TRAPPC9: variants seen among roughly 807,000 people sequenced by gnomAD.
TRAPPC9 encodes the protein IKK2 binding protein.
Under a neutral mutation model 124.0 loss-of-function variants are expected in TRAPPC9, and 83 were observed. That is an observed-to-expected ratio of 0.67 (90% CI 0.56 to 0.80). The LOEUF is 0.80. Ranked by LOEUF, TRAPPC9 falls within the 30% of genes least tolerant of loss-of-function variation. TRAPPC9 has a pLI of 0.00. For synonymous variants in TRAPPC9, 638 were observed against 617.5 expected, an observed-to-expected ratio of 1.03 and a Z score of -0.49; for missense variants, 1,302 against 1,508.3, an observed-to-expected ratio of 0.86 and a Z score of 2.27.
intron 10 of TRAPPC9, among the ~76,000 whole-genome samples, chr8:140,310,003 C>A (rs1021162953): frequency 5.3e-5 from 8 of 152,198 alleles, no homozygotes; most frequent in Admixed American, 4.6e-4. Context: ...GGCTGCAATG[C>A]ACAGCGACCC....
rs561286388 is a variant in TRAPPC9 at position 140,352,105 on chromosome 8, A to C, written c.1495+7945T>G. ...CTATTTTGGTCATTTCAAATAATTG[A>C]GATCATAAAACATGTGTGTGGAATT... On this transcript the variant is annotated intron_variant, in intron 9 of 22. Transcript: ENST00000438773. 5.3e-5 allele frequency among the ~76,000 whole-genome samples: 8 copies of C among 152,206 alleles called. No individual in the cohort carries two copies. The South Asian group carries it at 1.5e-3, about 28-fold the overall frequency.
At chr8:140,001,801 C>T (rs543111843) in intron 18 of TRAPPC9, among the ~76,000 whole-genome samples, 1 of 152,340 alleles carries the variant, frequency 6.6e-6, no homozygotes, top group African/African-American at 2.4e-5. Flanking sequence ...GGTACTACCA[C>T]TCTGGAAAAC....
At chr8:140,272,548 T>C (rs529304349) in intron 15 of TRAPPC9, among the ~76,000 whole-genome samples, 1 of 151,180 alleles carries the variant, frequency 6.6e-6, no homozygotes, top group African/African-American at 2.5e-5. Flanking sequence ...ATTAATTCAC[T>C]TTGCATTGCT....
chr8:139,821,824 G>T (rs1399198368), intron 21 of TRAPPC9, among the ~76,000 whole-genome samples: 2 of 152,330 alleles, frequency 1.3e-5, no homozygotes, highest in East Asian at 3.9e-4. Flanking sequence ...ACAGATTCGT[G>T]TGCCATAATA....
chr8:140,180,520 T>C (rs2062176526), intron 17 of TRAPPC9, among the ~76,000 whole-genome samples: 1 of 152,166 alleles, frequency 6.6e-6, no homozygotes, highest in South Asian at 2.1e-4. Flanking sequence ...CCATTTCTAA[T>C]ACATTTCAAG....
chr8:140,334,747 G>A (rs2066991182), intron 9 of TRAPPC9, among the ~76,000 whole-genome samples: 1 of 152,074 alleles, frequency 6.6e-6, no homozygotes, highest in Admixed American at 6.6e-5. Context: ...AAGATAAAAG[G>A]TGAACAGACA....
At chr8:140,398,843 C>A (rs1422038331) in intron 6 of TRAPPC9, among the ~76,000 whole-genome samples, 1 of 152,224 alleles carries the variant, frequency 6.6e-6, no homozygotes, top group African/African-American at 2.4e-5. Context: ...ATCCCCAAGA[C>A]AATGGGGAAA....
chr8:139,802,057 T>TA (rs1300404491), intron 21 of TRAPPC9, among the ~76,000 whole-genome samples: 1 of 152,232 alleles, frequency 6.6e-6, no homozygotes, highest in Non-Finnish European at 1.5e-5. Context: ...CTTGATTTTC[T>TA]AGCTCTGGGC....
chr8:140,277,156 T>C (rs948822124), intron 14 of TRAPPC9, among the ~76,000 whole-genome samples: 4 of 152,210 alleles, frequency 2.6e-5, no homozygotes, highest in Non-Finnish European at 5.9e-5. Context: ...GACTCAGACC[T>C]CTGCCACCCA....
At chr8:140,013,539 T>G (rs979577947) in intron 18 of TRAPPC9, among the ~76,000 whole-genome samples, 2 of 152,002 alleles carry the variant, frequency 1.3e-5, no homozygotes, top group Non-Finnish European at 2.9e-5. Flanking sequence ...AAACAAAGAG[T>G]CACAGAGTGG....
chr8:140,000,259 G>A, intron 18 of TRAPPC9, among the ~76,000 whole-genome samples: 1 of 152,170 alleles, frequency 6.6e-6, no homozygotes, highest in South Asian at 2.1e-4. Flanking sequence ...TTCAATGTAA[G>A]ACCTAACACC....
rs1311705888 is a variant in TRAPPC9 at position 140,230,098 on chromosome 8, GGCC to G, written c.2432-8518_2432-8516del. Among the ~76,000 whole-genome samples the G allele has an allele frequency of 9.2e-5, 14 of 152,242 alleles. No individual in the cohort carries two copies. In the East Asian group the frequency reaches 2.7e-3, roughly 29 times the overall value. On this transcript the variant is annotated intron_variant, in intron 16 of 22. Coordinates refer to ENST00000438773, the MANE Select transcript of TRAPPC9 (RefSeq NM_001160372.4). ...AATGTAAACATTCACACAGCAGCAA[GGCC>G]ATCTCACAACAGGCACAAGCACATA... is the stretch of plus-strand genomic sequence containing the variant.
At chr8:140,026,756 T>C (rs372074628) in intron 17 of TRAPPC9, among the ~76,000 whole-genome samples, 2 of 152,334 alleles carry the variant, frequency 1.3e-5, no homozygotes, top group South Asian at 2.1e-4. Context: ...CCTTCAATAT[T>C]TGTACTGCCA....
intron 16 of TRAPPC9, among the ~76,000 whole-genome samples, chr8:140,225,210 T>C (rs976131106): frequency 6.6e-6 from 1 of 152,228 alleles, no homozygotes; most frequent in Non-Finnish European, 1.5e-5. Context: ...TGAATTCTTG[T>C]CAGATTCACC....
At chr8:139,917,883 T>C (rs1474472396) in intron 19 of TRAPPC9, among the ~76,000 whole-genome samples, 2 of 152,188 alleles carry the variant, frequency 1.3e-5, no homozygotes, top group African/African-American at 4.8e-5. Context: ...TACTGCTCGT[T>C]GTTAACAAGC....
At chr8:140,086,484 T>C (rs565831157) in intron 17 of TRAPPC9, among the ~76,000 whole-genome samples, 2 of 152,102 alleles carry the variant, frequency 1.3e-5, no homozygotes, top group Non-Finnish European at 2.9e-5. Flanking sequence ...GGGCCACAGC[T>C]CCACCTGTGC....
intron 21 of TRAPPC9, among the ~76,000 whole-genome samples, chr8:139,744,169 T>C (rs10094608): frequency 0.11 from 17,277 of 152,290 alleles, 1,147 homozygotes; most frequent in African/African-American, 0.19. Context: ...CCAGACCTTC[T>C]GCATTTTATT....
At chr8:140,221,077 A>C (rs918861971) in intron 17 of TRAPPC9, among the ~76,000 whole-genome samples, 1 of 152,230 alleles carries the variant, frequency 6.6e-6, no homozygotes, top group African/African-American at 2.4e-5. Context: ...TGGTGCTTCC[A>C]AACCAACAAT....
intron 15 of TRAPPC9, among the ~76,000 whole-genome samples, chr8:140,273,151 A>C (rs28408920): frequency 0.15 from 23,368 of 152,188 alleles, 3,610 homozygotes; most frequent in African/African-American, 0.4. Flanking sequence ...CGGAGCCGGG[A>C]CACTCCTCTG....
Sources: gnomAD v4.1 joint callset for allele counts (sites outside exome capture counted in the v4.1 genomes callset) on GRCh38, gnomAD v4.1.1 for gene constraint, MANE v1.5 for transcripts, NCBI Gene and HGNC (gene_info 2026-07-23, HGNC 2026-07-21) for gene names.